The following DNM2 variants were observed in gnomAD, a reference collection of about 807,000 sequenced individuals.
The protein encoded by DNM2 is dynamin 2.
In DNM2, 15 loss-of-function variants were observed where a neutral mutation model predicts 99.0. The observed-to-expected ratio is 0.15, with a 90% CI of 0.10 to 0.23. The LOEUF (loss-of-function observed/expected upper bound fraction) is 0.23. Among genes scored for constraint, DNM2 ranks in the 10% least tolerant of loss-of-function variants. DNM2 has a pLI of 1.00. For missense variants in DNM2, 742 were observed against 1,189.4 expected, an observed-to-expected ratio of 0.62 and a Z score of 5.53; for synonymous variants, 525 against 481.2, an observed-to-expected ratio of 1.09 and a Z score of -1.19.
In DNM2 at chr19:10,750,893, T is replaced by C. The variant is rs2070168889; in HGVS notation, c.162-8845T>C. ...TCCAGCCTGGGTGACAAAGCAAGACTCCATCTCAAAAAAAAAAAAAGTTAA... is the reference window on the plus strand; with the variant it reads ...TCCAGCCTGGGTGACAAAGCAAGACCCCATCTCAAAAAAAAAAAAAGTTAA... On this transcript the variant is annotated intron_variant, in intron 1 of 20. Transcript: ENST00000389253. 2.0e-5 allele frequency among the ~76,000 whole-genome samples: 3 copies of C among 148,752 alleles called. No homozygotes were observed. The South Asian group carries it at 6.4e-4, about 32-fold the overall frequency.
chr19:10,761,222 C>G (rs1446062212), intron 2 of DNM2, among the ~76,000 whole-genome samples: 1 of 152,010 alleles, frequency 6.6e-6, no homozygotes, highest in African/African-American at 2.4e-5. Context: ...CTCTTGACCT[C>G]GTGATCCGCC....
chr19:10,734,183 T>C (rs914283967), intron 1 of DNM2, among the ~76,000 whole-genome samples: 1 of 150,308 alleles, frequency 6.7e-6, no homozygotes, highest in South Asian at 2.1e-4. Flanking sequence ...ATCAAAACCC[T>C]GTCTCTACAA....
intron 4 of DNM2, among the ~76,000 whole-genome samples, 170 bp downstream of exon 4, chr19:10,776,076 C>A (rs1338014165): frequency 6.6e-6 from 1 of 152,036 alleles, no homozygotes; most frequent in Non-Finnish European, 1.5e-5. Context: ...TGGTGGGCAT[C>A]CCCTGGGAAG....
chr19:10,746,076 A>C (rs971358199), intron 1 of DNM2, among the ~76,000 whole-genome samples: 4 of 152,098 alleles, frequency 2.6e-5, no homozygotes, highest in African/African-American at 9.7e-5. Context: ...CTCGTGCCTC[A>C]GCCTCCTGAG....
At chr19:10,725,658 G>A (rs1399159790) in intron 1 of DNM2, among the ~76,000 whole-genome samples, 1 of 152,052 alleles carries the variant, frequency 6.6e-6, no homozygotes, top group African/African-American at 2.4e-5. Context: ...TGCCTACTGG[G>A]AGTGGACTGA....
rs776923389 is a variant in DNM2 at position 10,818,798 on chromosome 19, G to A, written c.1672-1182G>A. 1.3e-5 allele frequency among the ~76,000 whole-genome samples: 2 copies of A among 152,200 alleles called. No individual in the cohort carries two copies. The highest frequency in any genetic ancestry group is 2.9e-5 in the Non-Finnish European group (2 of 68,036). On this transcript the variant is annotated intron_variant, in intron 15 of 20. Coordinates refer to ENST00000389253, the MANE Select transcript of DNM2 (RefSeq NM_001005361.3). This position sits in a 1 kb window ranked among gnomAD's most constrained non-coding sequence, Gnocchi z 4.3. ...GGCCAGGGGCACTGTGGGGAGGACT[G>A]GGCTTTGGGTCACAGAGACCTGGCC... is the stretch of plus-strand genomic sequence containing the variant.
chr19:10,747,563 G>A (rs1284374396), intron 1 of DNM2, among the ~76,000 whole-genome samples: 1 of 152,184 alleles, frequency 6.6e-6, no homozygotes, highest in Non-Finnish European at 1.5e-5. Flanking sequence ...AGTGAGGCCA[G>A]GAGTGGATTG....
chr19:10,753,423 CT>C (rs1170596303), intron 1 of DNM2, among the ~76,000 whole-genome samples: 2 of 130,304 alleles, frequency 1.5e-5, no homozygotes, highest in Non-Finnish European at 3.2e-5. Context: ...CCCCACTTCC[CT>C]TTCCCCTTCC....
intron 1 of DNM2, among the ~76,000 whole-genome samples, chr19:10,719,361 C>T (rs1274984299): frequency 6.6e-6 from 1 of 152,066 alleles, no homozygotes; most frequent in Non-Finnish European, 1.5e-5. Flanking sequence ...CACAGGGGCC[C>T]GCCTCCCAGC....
Position 10,806,104 on chromosome 19 carries a change from T to C in DNM2, c.1545+137T>C. 3 of 1,052,226 alleles carry C rather than the reference T, an allele frequency of 2.9e-6. No homozygotes were observed. The Admixed American group carries it at 6.2e-5, about 22-fold the overall frequency. The allele number at this position is 1,052,226 out of a possible 1,614,324, so 65.2% of individuals were successfully genotyped here. On this transcript the variant is annotated intron_variant, in intron 13 of 20. Coordinates refer to ENST00000389253, the MANE Select transcript of DNM2 (RefSeq NM_001005361.3). ...TCAGTACCAGGCCATCTGCTCTCTCTAGAGGCCACTTAGGAATTGATAATT... is the reference window on the plus strand; with the variant it reads ...TCAGTACCAGGCCATCTGCTCTCTCCAGAGGCCACTTAGGAATTGATAATT...
At chr19:10,725,465 A>C (rs556374504) in intron 1 of DNM2, among the ~76,000 whole-genome samples, 1 of 151,574 alleles carries the variant, frequency 6.6e-6, no homozygotes, top group African/African-American at 2.4e-5. Flanking sequence ...AAAAAAAGGA[A>C]AAAAGGAAAG....
Position 10,811,903 on chromosome 19 carries a change from T to C in DNM2, c.1558-361T>C, listed in dbSNP as rs1403034968. ...CTGTGTGGATGCTACCCTTGGAACCTTATCTCACGCAAACAAGTGCAGTTC... is the reference window on the plus strand; with the variant it reads ...CTGTGTGGATGCTACCCTTGGAACCCTATCTCACGCAAACAAGTGCAGTTC... On this transcript the variant is annotated intron_variant, in intron 14 of 20. Coordinates refer to ENST00000389253, the MANE Select transcript of DNM2 (RefSeq NM_001005361.3). The surrounding 1 kb of genome is among the most constrained non-coding windows in gnomAD (Gnocchi z 5.4). 2.2e-6 allele frequency: 1 copy of C among 464,074 alleles called. No homozygotes were observed. The highest frequency in any genetic ancestry group is 2.0e-5 in the African/African-American group (1 of 50,428). The allele number at this position is 464,074 out of a possible 1,614,324, so 28.7% of individuals were successfully genotyped here. A position where few individuals can be genotyped will look rare whatever the true frequency, so the allele number is the denominator to read the frequency against.
intron 7 of DNM2, among the ~76,000 whole-genome samples, chr19:10,790,082 G>GGTCCAA (rs2071698918): frequency 6.6e-6 from 1 of 152,136 alleles, no homozygotes. Flanking sequence ...TTTTATCTGA[G>GGTCCAA]GGTCCAAGGT....
At position 10,828,254 on chromosome 19, in the gene DNM2, C is replaced by T. The variant is rs374247596; in HGVS notation, c.2059-782C>T. On this transcript the variant is annotated intron_variant, in intron 18 of 20. Coordinates refer to ENST00000389253, the MANE Select transcript of DNM2 (RefSeq NM_001005361.3). ...CAGTGAGCCAAGATTGCACTGCAGC[C>T]TGGGTGACAGAGTGAGACTCTGTCA... Among the ~76,000 whole-genome samples the T allele has an allele frequency of 1.2e-3, 182 of 147,256 alleles. 1 individual carries two copies. Among genetic ancestry groups the T allele is most frequent in the African/African-American group, 4.5e-3 (179 of 39,642 alleles).
rs763894364 is a variant in DNM2, at chr19:10,786,604, G to A, written c.890G>A (p.Arg297His). Reference protein sequence around the residue: ...NHIRESLPALRSKLQSQLLSL... With the variant: ...NHIRESLPALHSKLQSQLLSL... The stretch of plus-strand genomic sequence containing the variant: ...ATCCGGGAGTCGCTGCCGGCCCTAC[G>A]TAGCAAACTACAGAGCCAGCTGCTG... Residue 297 changes from arginine (R) to histidine (H), a missense_variant, in exon 7 of 21, where the codon CGT (arginine) becomes CAT (histidine). Coordinates refer to ENST00000389253, the MANE Select transcript of DNM2 (RefSeq NM_001005361.3). 55 of 1,614,000 alleles carry A rather than the reference G, an allele frequency of 3.4e-5. No homozygotes were observed. Among genetic ancestry groups the A allele is most frequent in the South Asian group, 3.4e-4 (31 of 91,082 alleles).
In DNM2 at chr19:10,718,384, C is replaced by T. The variant is rs753989925; in HGVS notation, c.142C>T (p.Leu48=). ...CCAGAGCGCCGGCAAGAGCTCGGTG[C>T]TGGAGAACTTCGTGGGCCGGTGAGC... ...GGQSAGKSSV[L]ENFVGRDFLP... Residue 48 remains leucine (L), a synonymous_variant, in exon 1 of 21, where the codon CTG becomes TTG. Coordinates refer to ENST00000389253, the MANE Select transcript of DNM2 (RefSeq NM_001005361.3). 2.7e-6 allele frequency: 4 copies of T among 1,496,360 alleles called. No individual in the cohort carries two copies. Among genetic ancestry groups the T allele is most frequent in the Non-Finnish European group, 3.6e-6 (4 of 1,122,630 alleles). 92.7% of individuals were successfully genotyped at this position (1,496,360 alleles called of 1,614,324 possible).
intron 1 of DNM2, among the ~76,000 whole-genome samples, chr19:10,741,354 C>T (rs1390056329): frequency 6.6e-6 from 1 of 152,028 alleles, no homozygotes; most frequent in African/African-American, 2.4e-5. Context: ...ACCTCTGCCT[C>T]CCGAGTAGCT....
At chr19:10,727,988 A>G (rs1398020846) in intron 1 of DNM2, among the ~76,000 whole-genome samples, 1 of 152,202 alleles carries the variant, frequency 6.6e-6, no homozygotes, top group East Asian at 1.9e-4. Context: ...GAATAAAGGG[A>G]AAATGTGGCC....
intron 14 of DNM2, chr19:10,809,771 G>A (rs752322494): frequency 2.1e-4 from 32 of 152,338 alleles, no homozygotes; most frequent in Admixed American, 1.8e-3. Flanking sequence ...GCCCTCTGGC[G>A]GGGCTCTTCT....
Sources: gnomAD v4.1 joint callset for allele counts (sites outside exome capture counted in the v4.1 genomes callset) on GRCh38, gnomAD v4.1.1 for gene constraint, Gnocchi (gnomAD v3.1) non-coding constraint, MANE v1.5 for transcripts, NCBI Gene and HGNC (gene_info 2026-07-23, HGNC 2026-07-21) for gene names.